CTH: variants seen among roughly 807,000 people sequenced by gnomAD.
CTH encodes the protein cystathionase (cystathionine gamma-lyase).
Under a neutral mutation model 50.6 loss-of-function variants are expected in CTH, and 41 were observed. The observed-to-expected ratio is 0.81, with a 90% CI of 0.63 to 1.05. The LOEUF (loss-of-function observed/expected upper bound fraction) is 1.05. Ranked by LOEUF, CTH falls within the 50% of genes least tolerant of loss-of-function variation. The pLI, the probability that CTH is intolerant of heterozygous loss-of-function variation, is 0.00. For missense variants in CTH, 470 were observed against 492.6 expected (o/e 0.95, Z 0.43); for synonymous variants, 156 against 168.9 (o/e 0.92, Z 0.59).
chr1:70,436,947 G>A (rs1014981486), intron 10 of CTH, among the ~76,000 whole-genome samples: 8 of 152,130 alleles, frequency 5.3e-5, no homozygotes, highest in African/African-American at 1.7e-4. Context: ...CTATAACCCC[G>A]ATGCCAGAGG....
At chr1:70,433,249 A>T (rs1186865458) in intron 8 of CTH, among the ~76,000 whole-genome samples, 1 of 152,234 alleles carries the variant, frequency 6.6e-6, no homozygotes, top group Non-Finnish European at 1.5e-5. Context: ...AGCGAAATAC[A>T]TATGAAACTA....
At position 70,438,551 on chromosome 1, in the gene CTH, G is replaced by C; in HGVS notation, c.1053-137G>C. The C allele has an allele frequency of 4.8e-6, 4 of 835,176 alleles. No homozygotes were observed. In the South Asian group the frequency reaches 6.0e-5, roughly 12 times the overall value. The allele number at this position is 835,176 out of a possible 1,614,324, so 51.7% of individuals were successfully genotyped here. ...AAGTTTCGTAATTTTCTCTTTTTTT[G>C]CCTGTGAATTATAGGGGTATGCAAA... is the stretch of plus-strand genomic sequence containing the variant. On this transcript the variant is annotated intron_variant, in intron 10 of 11. Coordinates refer to ENST00000370938, the MANE Select transcript of CTH (RefSeq NM_001902.6).
In CTH at chr1:70,431,795, T is replaced by C. The variant is rs374986003; in HGVS notation, c.725-288T>C. On this transcript the variant is annotated intron_variant, in intron 7 of 11. Coordinates refer to ENST00000370938, the MANE Select transcript of CTH (RefSeq NM_001902.6). ...GGCTATGAACAATTTATGATTTTAT[T>C]AAAATCATAGAAAGGACTACTTATC... Among the ~76,000 whole-genome samples the C allele has an allele frequency of 4.6e-4, 70 of 152,352 alleles. No individual in the cohort carries two copies. In the East Asian group the frequency reaches 7.1e-3, roughly 16 times the overall value.
intron 3 of CTH, among the ~76,000 whole-genome samples, chr1:70,420,095 C>G (rs1005014846): frequency 1.3e-5 from 2 of 151,164 alleles, no homozygotes; most frequent in African/African-American, 4.9e-5. Context: ...CGGGTTCAAG[C>G]GATTCTCCTG....
chr1:70,426,932 C>T (rs1325932496), intron 5 of CTH, among the ~76,000 whole-genome samples: 1 of 152,180 alleles, frequency 6.6e-6, no homozygotes, highest in Non-Finnish European at 1.5e-5. Flanking sequence ...ACCTGGCCCT[C>T]TTTCTCCTAT....
chr1:70,418,154 G>T lies in CTH; in HGVS notation c.346+122G>T, dbSNP rs1030012308. The T allele has an allele frequency of 2.4e-6, 3 of 1,231,368 alleles. No individual in the cohort carries two copies. The African/African-American group carries it at 4.5e-5, about 19-fold the overall frequency. 76.3% of individuals were successfully genotyped at this position (1,231,368 alleles called of 1,614,324 possible). On this transcript the variant is annotated intron_variant, in intron 3 of 11. Coordinates refer to ENST00000370938, the MANE Select transcript of CTH (RefSeq NM_001902.6). ...ATTATTTATTATAGTTTACAGGTGT[G>T]ACAGGTACCTCTATGCTCTCTCAGA...
At chr1:70,429,103 T>C (rs1197085922) in intron 5 of CTH, among the ~76,000 whole-genome samples, 1 of 152,194 alleles carries the variant, frequency 6.6e-6, no homozygotes, top group East Asian at 1.9e-4. Context: ...CTAGATTTCT[T>C]GTAATACCTA....
At chr1:70,433,778 A>T (rs1213293897) in intron 8 of CTH, 50 bp from the exon 9 acceptor site, 1 of 1,609,466 alleles carries the variant, frequency 6.2e-7, no homozygotes, top group African/African-American at 1.3e-5. Flanking sequence ...CCCCCCCAAA[A>T]ATTACATGTT....
rs142370849 is a variant in CTH at position 70,424,861 on chromosome 1, G to A, written c.588+445G>A. On this transcript the variant is annotated intron_variant, in intron 5 of 11. Transcript: ENST00000370938. ...GGAGAATGGCATGAACCCGGGAGGCGGAGCTTGCAGTGAGCTGAGATGACG... is the reference window on the plus strand; with the variant it reads ...GGAGAATGGCATGAACCCGGGAGGCAGAGCTTGCAGTGAGCTGAGATGACG... 6.9e-3 allele frequency among the ~76,000 whole-genome samples: 1,044 copies of A among 152,100 alleles called. 9 individuals carry two copies. The highest frequency in any genetic ancestry group is 0.011 in the Non-Finnish European group (743 of 67,960).
Position 70,433,932 on chromosome 1 carries a change from T to C in CTH, c.982T>C (p.Phe328Leu), listed in dbSNP as rs761470245. Residue 328 changes from phenylalanine (F) to leucine (L), a missense_variant, in exon 9 of 12, where the codon TTC becomes CTC. Physicochemically the swap from Phe to Leu is conservative, Grantham distance 22 (BLOSUM62 0). Coordinates refer to ENST00000370938, the MANE Select transcript of CTH (RefSeq NM_001902.6). ...GGGCACTCTTCAGCATGCTGAGATT[T>C]TCCTCAAGAACCTAAAGGTAAACTT... Reference protein sequence around the residue: ...IKGTLQHAEIFLKNLKLFTLA... With the variant: ...IKGTLQHAEILLKNLKLFTLA... 1 of 1,614,036 alleles carries C rather than the reference T, an allele frequency of 6.2e-7. No individual in the cohort carries two copies. Among genetic ancestry groups the C allele is most frequent in the South Asian group, 1.1e-5 (1 of 91,084 alleles).
intron 4 of CTH, among the ~76,000 whole-genome samples, chr1:70,423,408 A>T (rs911190411): frequency 6.6e-5 from 10 of 151,202 alleles, no homozygotes; most frequent in African/African-American, 2.4e-4. Context: ...AAAAAAAAAA[A>T]ATAATAATAA....
intron 4 of CTH, among the ~76,000 whole-genome samples, chr1:70,424,004 T>C (rs1289923230): frequency 6.6e-6 from 1 of 152,220 alleles, no homozygotes; most frequent in African/African-American, 2.4e-5. Flanking sequence ...TAATTAACTT[T>C]AGTACTTTTC....
At chr1:70,434,957 G>A (rs982533489) in intron 9 of CTH, 168 bp from the exon 10 acceptor site, 16 of 449,416 alleles carry the variant, frequency 3.6e-5, no homozygotes, top group African/African-American at 3.1e-4. Flanking sequence ...TTCACTAGTT[G>A]GCCAGGCTGG....
At chr1:70,412,869 A>G (rs944896929) in intron 1 of CTH, among the ~76,000 whole-genome samples, 13 of 152,168 alleles carry the variant, frequency 8.5e-5, no homozygotes, top group Non-Finnish European at 1.6e-4. Flanking sequence ...GATCCTCACA[A>G]CAACCAGGTC....
At chr1:70,412,341 T>A (rs989350957) in intron 1 of CTH, among the ~76,000 whole-genome samples, 30 of 152,224 alleles carry the variant, frequency 2.0e-4, no homozygotes, top group African/African-American at 7.2e-4. Context: ...TGCAGTGGCT[T>A]ACGCCTGTAA....
At chr1:70,416,799 G>A (rs1436801231) in intron 2 of CTH, among the ~76,000 whole-genome samples, 2 of 151,392 alleles carry the variant, frequency 1.3e-5, no homozygotes, top group Non-Finnish European at 2.9e-5. Context: ...TCCTGACCTC[G>A]TGATCTCCCG....
intron 11 of CTH, 64 bp downstream of exon 11, chr1:70,438,890 G>A (rs1345115599): frequency 6.2e-7 from 1 of 1,604,934 alleles, no homozygotes; most frequent in Non-Finnish European, 8.5e-7. Flanking sequence ...TTGGGCATGG[G>A]GGGTCACTAT....
chr1:70,412,951 T>G (rs1684001720), intron 1 of CTH, among the ~76,000 whole-genome samples: 2 of 152,216 alleles, frequency 1.3e-5, no homozygotes, highest in African/African-American at 4.8e-5. Context: ...GAATGATCTG[T>G]AAAGCCTACG....
At chr1:70,414,610 T>A (rs540141268) in intron 1 of CTH, among the ~76,000 whole-genome samples, 184 of 152,056 alleles carry the variant, frequency 1.2e-3, no homozygotes, top group African/African-American at 4.2e-3. Context: ...GGTGAAAGAG[T>A]GGTTGTGTTT....
Sources: allele counts gnomAD v4.1 joint callset (sites outside exome capture counted in the v4.1 genomes callset), GRCh38; gene constraint gnomAD v4.1.1; transcripts MANE v1.5; gene names NCBI Gene and HGNC (gene_info 2026-07-23, HGNC 2026-07-21).